The following FAM72A variants were observed in gnomAD, a reference collection of about 807,000 sequenced individuals.
The protein encoded by FAM72A is protein FAM72A.
In FAM72A, 1 loss-of-function variant was observed where a neutral mutation model predicts 11.3. The observed-to-expected ratio is 0.09, with a 90% confidence interval of 0.03 to 0.42. The LOEUF is 0.42. Ranked by LOEUF, FAM72A falls within the 10% of genes least tolerant of loss-of-function variation. The pLI is 0.98. For missense variants in FAM72A, 15 were observed against 135.5 expected, an observed-to-expected ratio of 0.11 and a Z score of 4.41; for synonymous variants, 5 against 46.9, an observed-to-expected ratio of 0.11 and a Z score of 3.65.
At chr1:206,191,192 T>A (rs1170230979) in intron 3 of FAM72A, among the ~76,000 whole-genome samples, 1 of 105,788 alleles carries the variant, frequency 9.5e-6, no homozygotes, top group African/African-American at 4.2e-5. Context: ...TCCCAGCCAC[T>A]CAGAAGGCTG....
At chr1:206,190,934 G>A (rs1419694845) in intron 3 of FAM72A, among the ~76,000 whole-genome samples, 3 of 150,916 alleles carry the variant, frequency 2.0e-5, no homozygotes, top group Admixed American at 6.6e-5. Flanking sequence ...TGTTAGACAC[G>A]GAGAACATGT....
At chr1:206,203,522 A>T (rs1399472947), upstream of FAM72A, 1 of 504,352 alleles carries the variant, frequency 2.0e-6, no homozygotes, top group Non-Finnish European at 3.5e-6. Flanking sequence ...GGTCCTGCGG[A>T]GTTGGCGGAG....
intron 3 of FAM72A, among the ~76,000 whole-genome samples, chr1:206,191,830 G>T (rs1664823258): frequency 6.6e-6 from 1 of 150,546 alleles, no homozygotes. Flanking sequence ...CAGGTTCAAG[G>T]GGGGTTTCAT....
At chr1:206,191,688 A>T (rs1230780576) in intron 3 of FAM72A, among the ~76,000 whole-genome samples, 84 of 144,492 alleles carry the variant, frequency 5.8e-4, no homozygotes, top group Middle Eastern at 3.7e-3. Context: ...TTTTTTTTTT[A>T]AAAGAATTGG....
intron 2 of FAM72A, among the ~76,000 whole-genome samples, chr1:206,197,003 A>C (rs1260374463): frequency 6.8e-6 from 1 of 148,132 alleles, no homozygotes; most frequent in Non-Finnish European, 1.5e-5. Context: ...GTACCATTCC[A>C]CCTAAAATAT....
intron 3 of FAM72A, among the ~76,000 whole-genome samples, 182 bp from the exon 4 acceptor site, chr1:206,187,555 T>C (rs1394052416): frequency 2.0e-5 from 3 of 151,870 alleles, no homozygotes; most frequent in African/African-American, 7.3e-5. Context: ...GGACATAAAC[T>C]TTATTTATTT....
At chr1:206,204,913 C>G (rs1235844434), upstream of FAM72A, 1 of 137,022 alleles carries the variant, frequency 7.3e-6, no homozygotes, top group East Asian at 2.1e-4. Flanking sequence ...ATTTGCCCCC[C>G]CCCCCATCAA....
intron 3 of FAM72A, among the ~76,000 whole-genome samples, chr1:206,191,675 T>A (rs1204636121): frequency 9.2e-6 from 1 of 108,344 alleles, no homozygotes; most frequent in African/African-American, 6.1e-5. Context: ...GAAAAAGAAA[T>A]TTTTTTTTTT....
At chr1:206,203,312 T>C, upstream of FAM72A, 2 of 399,326 alleles carry the variant, frequency 5.0e-6, no homozygotes, top group Non-Finnish European at 8.8e-6. Flanking sequence ...CCATCAGTTC[T>C]ACTTAGGGGT....
chr1:206,193,221 C>CAT (rs1664886902), intron 3 of FAM72A, among the ~76,000 whole-genome samples: 1 of 143,596 alleles, frequency 7.0e-6, no homozygotes, highest in South Asian at 2.2e-4. Context: ...CCTCTTATTC[C>CAT]TTTTTTTTTT....
intron 2 of FAM72A, among the ~76,000 whole-genome samples, chr1:206,196,810 T>G: frequency 6.6e-6 from 1 of 151,862 alleles, no homozygotes; most frequent in Non-Finnish European, 1.5e-5. Flanking sequence ...TTTTTTTAAC[T>G]AGCTAGTCAC....
At chr1:206,205,473 T>TG (rs1319713333), upstream of FAM72A, 5 of 112,680 alleles carry the variant, frequency 4.4e-5, no homozygotes, top group African/African-American at 1.9e-4. Context: ...TCTGCGCTGT[T>TG]GCGGCTCCCG....
chr1:206,187,079 T>C lies in FAM72A; in HGVS notation c.*200A>G, dbSNP rs1395069493. 9.1e-6 allele frequency: 7 copies of C among 770,992 alleles called. No individual in the cohort carries two copies. The highest frequency in any genetic ancestry group is 1.4e-5 in the Non-Finnish European group (7 of 514,066). 47.8% of individuals were successfully genotyped at this position (770,992 alleles called of 1,614,324 possible). A position where few individuals can be genotyped will look rare whatever the true frequency, so the allele number is the denominator to read the frequency against. ...GCAGAAAAAGGTCGGGGAGAGGAAG[T>C]AGAAGTAGAGGAAAAGCACAACTTC... On this transcript the variant is annotated 3_prime_UTR_variant, in exon 4 of 4. Transcript: ENST00000367128.
At chr1:206,187,646 C>T (rs1270291033) in intron 3 of FAM72A, among the ~76,000 whole-genome samples, 3 of 152,148 alleles carry the variant, frequency 2.0e-5, no homozygotes, top group East Asian at 3.8e-4. Flanking sequence ...ATCACTGCAG[C>T]CTGAACCTCC....
rs1665274306 is a variant in FAM72A, at chr1:206,199,887, GGAGA to G, written c.153-7_153-4del. On this transcript the variant is annotated splice_polypyrimidine_tract_variant and splice_region_variant and intron_variant, in intron 1 of 3. Coordinates refer to ENST00000367128, the MANE Select transcript of FAM72A (RefSeq NM_001123168.3). Reference sequence around the variant, plus strand: ...ATCTTCCAGTGAAGTCCACTGCGCTGGAGAGAGAAAGGTATAAAAAGACAGTCAG... The same window carrying G: ...ATCTTCCAGTGAAGTCCACTGCGCTGGAGAAAGGTATAAAAAGACAGTCAG... 6 of 673,916 alleles carry G rather than the reference GGAGA, an allele frequency of 8.9e-6. No homozygotes were observed. The highest frequency in any genetic ancestry group is 1.6e-5 in the Non-Finnish European group (6 of 374,498). The allele number at this position is 673,916 out of a possible 1,614,324, so 41.7% of individuals were successfully genotyped here.
chr1:206,193,596 G>A (rs1553297918), intron 3 of FAM72A, among the ~76,000 whole-genome samples: 1 of 152,188 alleles, frequency 6.6e-6, no homozygotes, highest in African/African-American at 2.4e-5. Context: ...AAGCTTCAAA[G>A]GATAGGCTGA....
upstream of FAM72A, chr1:206,203,167 T>A (rs1278276129): frequency 8.4e-6 from 2 of 239,498 alleles, no homozygotes; most frequent in African/African-American, 4.5e-5. Flanking sequence ...TTGGAAGAGG[T>A]TCTACAGTCT....
chr1:206,186,961 A>G lies in FAM72A; in HGVS notation c.*318T>C, dbSNP rs1190437447. 4.1e-6 allele frequency: 1 copy of G among 241,258 alleles called. No homozygotes were observed. Among genetic ancestry groups the G allele is most frequent in the Non-Finnish European group, 8.0e-6 (1 of 124,334 alleles). The allele number at this position is 241,258 out of a possible 1,614,324, so 14.9% of individuals were successfully genotyped here. On this transcript the variant is annotated 3_prime_UTR_variant, in exon 4 of 4. Coordinates refer to ENST00000367128, the MANE Select transcript of FAM72A (RefSeq NM_001123168.3). ...GTAAAATTAATGGTATCTGGTATCA[A>G]GTTGTAAGAAAAACTCCCCCAGATT... is the stretch of plus-strand genomic sequence containing the variant.
At chr1:206,193,504 T>C (rs1664905321) in intron 3 of FAM72A, among the ~76,000 whole-genome samples, 1 of 152,190 alleles carries the variant, frequency 6.6e-6, no homozygotes. Context: ...AGATTTTTAA[T>C]ATACACAAAA....
Sources: allele counts gnomAD v4.1 joint callset (sites outside exome capture counted in the v4.1 genomes callset), GRCh38; gene constraint gnomAD v4.1.1; transcripts MANE v1.5; gene names NCBI Gene and HGNC (gene_info 2026-07-23, HGNC 2026-07-21).